Variants in BRSK1 observed in about 807,000 individuals in gnomAD.
BRSK1 encodes serine/threonine-protein kinase BRSK1.
Under a neutral mutation model 86.2 loss-of-function variants are expected in BRSK1, and 17 were observed. The observed-to-expected ratio is 0.20, with a 90% CI of 0.14 to 0.30. The LOEUF is 0.30. Among genes scored for constraint, BRSK1 ranks in the 10% least tolerant of loss-of-function variants. BRSK1 has a pLI of 1.00. For missense variants in BRSK1, 719 were observed against 1,071.9 expected, an observed-to-expected ratio of 0.67 and a Z score of 4.60; for synonymous variants, 464 against 440.1, an observed-to-expected ratio of 1.05 and a Z score of -0.68.
chr19:55,304,009 T>TC lies in BRSK1; in HGVS notation c.1287-38dup. The TC allele has an allele frequency of 6.4e-7, 1 of 1,570,724 alleles. No homozygotes were observed. The highest frequency in any genetic ancestry group is 1.2e-5 in the South Asian group (1 of 85,304). ...GGAACATCTGTGGTTTTTGAAACCC[T>TC]CCCATCTGATTTTTTTTTTTTAAAT... On this transcript the variant is annotated intron_variant, in intron 12 of 18. Transcript: ENST00000309383. The surrounding 1 kb of genome is among the most constrained non-coding windows in gnomAD (Gnocchi z 5.2).
chr19:55,289,449 TC>T, intron 3 of BRSK1, 30 bp from the exon 4 acceptor site: 1 of 1,597,982 alleles, frequency 6.3e-7, no homozygotes, highest in Non-Finnish European at 8.5e-7. Context: ...ACATGCCCCT[TC>T]CAGCCCTCTG....
At position 55,294,101 on chromosome 19, in the gene BRSK1, G is replaced by A. The variant is rs752381874; in HGVS notation, c.543G>A (p.Gln181=). 3 of 1,613,882 alleles carry A rather than the reference G, an allele frequency of 1.9e-6. No homozygotes were observed. The highest frequency in any genetic ancestry group is 2.2e-5 in the East Asian group (1 of 44,878). ...RIADFGMASL[Q]VGDSLLETSC... is the part of the protein sequence containing the mutation. ...CAGACTTCGGCATGGCGTCCCTGCA[G>A]GTGGGGGACAGCCTCCTGGAGACCA... Residue 181 remains glutamine (Q), a synonymous_variant, in exon 5 of 19, where the codon CAG becomes CAA. Coordinates refer to ENST00000309383, the MANE Select transcript of BRSK1 (RefSeq NM_032430.2). This position sits in a 1 kb window ranked among gnomAD's most constrained non-coding sequence, Gnocchi z 4.9.
chr19:55,293,541 T>A lies in BRSK1; in HGVS notation c.459-476T>A, dbSNP rs111234694. Among the ~76,000 whole-genome samples the A allele has an allele frequency of 4.7e-3, 702 of 149,824 alleles. 3 individuals carry two copies. The highest frequency in any genetic ancestry group is 0.016 in the African/African-American group (650 of 40,762). On this transcript the variant is annotated intron_variant, in intron 4 of 18. Transcript: ENST00000309383. The stretch of plus-strand genomic sequence containing the variant: ...TAAATAAATAAATAAGGCTGGGTGC[T>A]GTGGTTCACACCTGTAATCCCAGCA...
Position 55,287,004 on chromosome 19 carries a change from C to T in BRSK1, c.137-3C>T, listed in dbSNP as rs765905745. On this transcript the variant is annotated splice_polypyrimidine_tract_variant and splice_region_variant and intron_variant, in intron 1 of 18. Coordinates refer to ENST00000309383, the MANE Select transcript of BRSK1 (RefSeq NM_032430.2). The surrounding 1 kb of genome is among the most constrained non-coding windows in gnomAD (Gnocchi z 5.3). ...ACCCCACATTTTCACCCTGCTCCTGCAGGGCTGGTTAAACTCGGGGTCCAC... is the reference window on the plus strand; with the variant it reads ...ACCCCACATTTTCACCCTGCTCCTGTAGGGCTGGTTAAACTCGGGGTCCAC... The T allele has an allele frequency of 6.2e-7, 1 of 1,613,962 alleles. No homozygotes were observed. Among genetic ancestry groups the T allele is most frequent in the Admixed American group, 1.7e-5 (1 of 60,008 alleles).
Position 55,302,087 on chromosome 19 carries a change from A to G in BRSK1, c.826-50A>G, listed in dbSNP as rs2088579716. Reference sequence around the variant, plus strand: ...CCCCAGTCTTTCATTGCGCGCCTACATGTGCCTACGACCTCACTTCTGCTT... The same window carrying G: ...CCCCAGTCTTTCATTGCGCGCCTACGTGTGCCTACGACCTCACTTCTGCTT... On this transcript the variant is annotated intron_variant, in intron 8 of 18. Transcript: ENST00000309383. This position sits in a 1 kb window ranked among gnomAD's most constrained non-coding sequence, Gnocchi z 6.3. The G allele has an allele frequency of 1.9e-6, 3 of 1,611,232 alleles. No individual in the cohort carries two copies. The highest frequency in any genetic ancestry group is 2.5e-6 in the Non-Finnish European group (3 of 1,177,446).
chr19:55,304,151 G>T lies in BRSK1; in HGVS notation c.1347+41G>T. The T allele has an allele frequency of 6.4e-7, 1 of 1,571,506 alleles. No individual in the cohort carries two copies. Reference sequence around the variant, plus strand: ...CAGTGGGATTTAAGAAGGAGAAAGGGGTGGAGACATGGAGCAAAGATTGAG... The same window carrying T: ...CAGTGGGATTTAAGAAGGAGAAAGGTGTGGAGACATGGAGCAAAGATTGAG... On this transcript the variant is annotated intron_variant, in intron 13 of 18. Transcript: ENST00000309383. This position sits in a 1 kb window ranked among gnomAD's most constrained non-coding sequence, Gnocchi z 5.2.
Position 55,294,624 on chromosome 19 carries a change from C to T in BRSK1, c.678+227C>T, listed in dbSNP as rs542408658. On this transcript the variant is annotated intron_variant, in intron 7 of 18. Coordinates refer to ENST00000309383, the MANE Select transcript of BRSK1 (RefSeq NM_032430.2). This position sits in a 1 kb window ranked among gnomAD's most constrained non-coding sequence, Gnocchi z 4.9. Reference sequence around the variant, plus strand: ...TCAAGCAATTCTCCTGCCTCAGCCTCCCAAGTAGCTGGGATTGCAGGCGCC... The same window carrying T: ...TCAAGCAATTCTCCTGCCTCAGCCTTCCAAGTAGCTGGGATTGCAGGCGCC... 1.3e-5 allele frequency among the ~76,000 whole-genome samples: 2 copies of T among 152,104 alleles called. No individual in the cohort carries two copies. The highest frequency in any genetic ancestry group is 2.1e-4 in the South Asian group (1 of 4,816).
In BRSK1 at chr19:55,304,119, A is replaced by G. The variant is rs1310225822; in HGVS notation, c.1347+9A>G. ...CTCTAAGCAGCCCAAGGGTAAGGCC[A>G]GGTCCCCAGTGGGATTTAAGAAGGA... On this transcript the variant is annotated intron_variant, in intron 13 of 18. Transcript: ENST00000309383. The surrounding 1 kb of genome is among the most constrained non-coding windows in gnomAD (Gnocchi z 5.2). 1.1e-5 allele frequency: 18 copies of G among 1,611,072 alleles called. No homozygotes were observed. Among genetic ancestry groups the G allele is most frequent in the Non-Finnish European group, 1.4e-5 (16 of 1,179,296 alleles).
chr19:55,308,665 G>T lies in BRSK1; in HGVS notation c.2116G>T (p.Val706Leu). 6.2e-7 allele frequency: 1 copy of T among 1,609,082 alleles called. No individual in the cohort carries two copies. The highest frequency in any genetic ancestry group is 8.5e-7 in the Non-Finnish European group (1 of 1,178,120). ...TCCCAGCCGTCGGTTCAAGCGAGTG[G>T]TGGAGACCATCCAGGCACAGCTCCT... ...SGPSRRFKRVVETIQAQLLST... is the reference protein window; with the variant it reads ...SGPSRRFKRVLETIQAQLLST... Residue 706 changes from valine to leucine, a missense_variant, in exon 18 of 19, where the codon GTG becomes TTG. Physicochemically the swap from Val to Leu is conservative, Grantham distance 32. Coordinates refer to ENST00000309383, the MANE Select transcript of BRSK1 (RefSeq NM_032430.2).
chr19:55,297,325 C>T (rs2088503464), intron 7 of BRSK1, among the ~76,000 whole-genome samples: 1 of 152,152 alleles, frequency 6.6e-6, no homozygotes, highest in African/African-American at 2.4e-5. Flanking sequence ...CCTCTTCCTC[C>T]TGGAGTGCTG....
intron 16 of BRSK1, 24 bp downstream of exon 16, chr19:55,305,610 A>G (rs1342057724): frequency 1.2e-6 from 2 of 1,613,368 alleles, no homozygotes; most frequent in Non-Finnish European, 1.7e-6. Flanking sequence ...GTCCCCATCG[A>G]GCCTGGCCCC....
chr19:55,311,021 C>T (rs2088778758), intron 18 of BRSK1, among the ~76,000 whole-genome samples: 1 of 152,060 alleles, frequency 6.6e-6, no homozygotes. Flanking sequence ...AGTGCAGTGG[C>T]GCGATCTCAG....
chr19:55,309,548 A>G (rs1486422158), intron 18 of BRSK1, among the ~76,000 whole-genome samples: 1 of 152,230 alleles, frequency 6.6e-6, no homozygotes, highest in East Asian at 1.9e-4. Context: ...CCTGGGTCAC[A>G]GACAGCACGT....
rs779616409 is a variant in BRSK1, at chr19:55,302,908, G to A, written c.1028+41G>A. 1 of 1,587,074 alleles carries A rather than the reference G, an allele frequency of 6.3e-7. No homozygotes were observed. Among genetic ancestry groups the A allele is most frequent in the Non-Finnish European group, 8.6e-7 (1 of 1,161,720 alleles). ...CCCTGCACCCGTGTACCCACGTGGG[G>A]CGAGCTGCAGCAGCTCCCTGCGCAC... On this transcript the variant is annotated intron_variant, in intron 10 of 18. Coordinates refer to ENST00000309383, the MANE Select transcript of BRSK1 (RefSeq NM_032430.2). This position sits in a 1 kb window ranked among gnomAD's most constrained non-coding sequence, Gnocchi z 6.3.
At position 55,312,013 on chromosome 19, in the gene BRSK1, G is replaced by C; in HGVS notation, c.2282G>C (p.Arg761Pro). The C allele has an allele frequency of 6.9e-7, 1 of 1,453,190 alleles. No homozygotes were observed. Among genetic ancestry groups the C allele is most frequent in the Non-Finnish European group, 9.2e-7 (1 of 1,092,882 alleles). 90.0% of individuals were successfully genotyped at this position (1,453,190 alleles called of 1,614,324 possible). Residue 761 changes from arginine (R) to proline (P), a missense_variant, in exon 19 of 19, where the codon CGA becomes CCA. Around this residue, in one of 6 missense-constraint regions of BRSK1, gnomAD observed 82 missense variants for 72.6 expected, o/e 1.13. Coordinates refer to ENST00000309383, the MANE Select transcript of BRSK1 (RefSeq NM_032430.2). ...PDPELSSSPRRGPPKDKKLLA... is the reference protein window; with the variant it reads ...PDPELSSSPRPGPPKDKKLLA... ...CCAGAGCTGAGCAGCTCTCCCCGCC[G>C]AGGCCCCCCCAAGGACAAGAAGCTC...
At position 55,302,557 on chromosome 19, in the gene BRSK1, G is replaced by C; in HGVS notation, c.858-140G>C. 1 of 1,127,808 alleles carries C rather than the reference G, an allele frequency of 8.9e-7. No homozygotes were observed. The highest frequency in any genetic ancestry group is 1.3e-6 in the Non-Finnish European group (1 of 787,642). 69.9% of individuals were successfully genotyped at this position (1,127,808 alleles called of 1,614,324 possible). On this transcript the variant is annotated intron_variant, in intron 9 of 18. Transcript: ENST00000309383. The surrounding 1 kb of genome is among the most constrained non-coding windows in gnomAD (Gnocchi z 6.3). ...GGTCTGAGATGGGGGGCGAGGTCTG[G>C]GGCGTCTGGATTCCTGGGTATGAGA...
chr19:55,305,781 T>C (rs2088641582), intron 16 of BRSK1, among the ~76,000 whole-genome samples, 195 bp downstream of exon 16: 1 of 152,036 alleles, frequency 6.6e-6, no homozygotes, highest in East Asian at 1.9e-4. Flanking sequence ...ATTGGGGAAA[T>C]AGGATCCTGA....
chr19:55,310,406 A>G lies in BRSK1; in HGVS notation c.2180-1505A>G, dbSNP rs1339699507. 1.4e-4 allele frequency among the ~76,000 whole-genome samples: 22 copies of G among 151,914 alleles called. No individual in the cohort carries two copies. Among genetic ancestry groups the G allele is most frequent in the Admixed American group, 5.9e-4 (9 of 15,248 alleles). Reference sequence around the variant, plus strand: ...GTGACTCAGTGGGACCTGCACAGATACTCCAAGATAATCCCCCAACTCGTG... The same window carrying G: ...GTGACTCAGTGGGACCTGCACAGATGCTCCAAGATAATCCCCCAACTCGTG... On this transcript the variant is annotated intron_variant, in intron 18 of 18. Coordinates refer to ENST00000309383, the MANE Select transcript of BRSK1 (RefSeq NM_032430.2). This position sits in a 1 kb window ranked among gnomAD's most constrained non-coding sequence, Gnocchi z 5.0.
In BRSK1 at chr19:55,312,109, C is replaced by A. The variant is rs1046073916; in HGVS notation, c.*41C>A. ...GAGGGAGGGGACCCCCCTCCACCCC[C>A]CTTCCGTGCCCCCCAACTGTGAATC... is the stretch of plus-strand genomic sequence containing the variant. On this transcript the variant is annotated 3_prime_UTR_variant, in exon 19 of 19. Coordinates refer to ENST00000309383, the MANE Select transcript of BRSK1 (RefSeq NM_032430.2). 1.2e-5 allele frequency: 11 copies of A among 883,602 alleles called. No homozygotes were observed. In the South Asian group the frequency reaches 1.9e-4, roughly 15 times the overall value. 54.7% of individuals were successfully genotyped at this position (883,602 alleles called of 1,614,324 possible). A position where few individuals can be genotyped will look rare whatever the true frequency, so the allele number is the denominator to read the frequency against.
Sources: gnomAD v4.1 joint callset for allele counts (sites outside exome capture counted in the v4.1 genomes callset) on GRCh38, gnomAD v4.1.1 for gene constraint, gnomAD v4.1.1 regional missense constraint, Gnocchi (gnomAD v3.1) non-coding constraint, MANE v1.5 for transcripts, NCBI Gene and HGNC (gene_info 2026-07-23, HGNC 2026-07-21) for gene names.